FBXO3: variants seen among roughly 807,000 people sequenced by gnomAD.
FBXO3 encodes the protein F-box protein 3.
A neutral mutation model predicts 64.8 loss-of-function variants in FBXO3; 17 were observed. The observed-to-expected ratio is 0.26, with a 90% CI of 0.18 to 0.39. The LOEUF is 0.39. FBXO3 is among the 10% of genes least tolerant of loss of function. The pLI is 1.00. For synonymous variants in FBXO3, 182 were observed against 201.6 expected (o/e 0.90, Z 0.82); for missense variants, 420 against 589.9 (o/e 0.71, Z 2.98).
chr11:33,757,183 T>C (rs12224154), intron 4 of FBXO3: 144,043 of 447,744 alleles, frequency 0.32, 25,527 homozygotes, highest in Admixed American at 0.49. Flanking sequence ...CAGTGCAAAG[T>C]TCTCCTTAAA....
chr11:33,760,125 C>A (rs576777252), intron 3 of FBXO3, among the ~76,000 whole-genome samples: 1 of 152,282 alleles, frequency 6.6e-6, no homozygotes, highest in Non-Finnish European at 1.5e-5. Context: ...TTGGAGATAA[C>A]AGCAGAGAAT....
chr11:33,745,150 C>A (rs574884572), intron 10 of FBXO3: 1 of 152,056 alleles, frequency 6.6e-6, no homozygotes. Context: ...ATTAAAAATA[C>A]ATAATAATCC....
At chr11:33,745,733 G>A (rs998475376) in intron 10 of FBXO3, 1 of 152,010 alleles carries the variant, frequency 6.6e-6, no homozygotes, top group South Asian at 2.1e-4. Context: ...CCTTAAAAAA[G>A]CTAGAAGAAA....
chr11:33,757,277 ATATATGCCT>A (rs1285512276), intron 4 of FBXO3, among the ~76,000 whole-genome samples: 1 of 151,956 alleles, frequency 6.6e-6, no homozygotes, highest in Non-Finnish European at 1.5e-5. Flanking sequence ...CATTCAAAGC[ATATATGCCT>A]TCTAAAACTG....
At chr11:33,751,690 T>C (rs765065993) in intron 6 of FBXO3, 83 bp from the exon 7 acceptor site, 7 of 708,532 alleles carry the variant, frequency 9.9e-6, no homozygotes, top group South Asian at 5.5e-5. Flanking sequence ...AATTCCTCTA[T>C]GCTTTAGAAT....
chr11:33,750,063 T>C lies in FBXO3; in HGVS notation c.932+476A>G, dbSNP rs192094762. Reference sequence around the variant, plus strand: ...ATCTTTGTGTCATAGCACAGAATACTTCTAACTAACGTAAATTTAAAATAT... The same window carrying C: ...ATCTTTGTGTCATAGCACAGAATACCTCTAACTAACGTAAATTTAAAATAT... On this transcript the variant is annotated intron_variant, in intron 8 of 10. Coordinates refer to ENST00000265651, the MANE Select transcript of FBXO3 (RefSeq NM_012175.4). Among the ~76,000 whole-genome samples, 732 of 152,250 alleles carry C rather than the reference T, an allele frequency of 4.8e-3. 2 individuals are homozygous for C. The highest frequency in any genetic ancestry group is 8.4e-3 in the Non-Finnish European group (574 of 68,004).
At chr11:33,742,725 G>C (rs1854716328) in intron 10 of FBXO3, 1 of 152,066 alleles carries the variant, frequency 6.6e-6, no homozygotes, top group South Asian at 2.1e-4. Flanking sequence ...TTTTTATTGA[G>C]CTCCTACCAT....
chr11:33,767,888 G>A (rs781781083), intron 3 of FBXO3, among the ~76,000 whole-genome samples: 40 of 152,130 alleles, frequency 2.6e-4, no homozygotes, highest in Non-Finnish European at 3.8e-4. Flanking sequence ...TTAATCAAGG[G>A]TACTTTCCTT....
chr11:33,756,973 C>T (rs1438205625), intron 4 of FBXO3: 1 of 517,972 alleles, frequency 1.9e-6, no homozygotes, highest in Non-Finnish European at 3.9e-6. Flanking sequence ...CTTCAGGAGT[C>T]CTCCTGCGTT....
chr11:33,746,850 A>C, intron 10 of FBXO3: 1 of 1,415,086 alleles, frequency 7.1e-7, no homozygotes, highest in South Asian at 1.6e-5. Flanking sequence ...AGCTGATTCT[A>C]CTGGTCTAAT....
At chr11:33,764,859 A>G (rs1314447190) in intron 3 of FBXO3, among the ~76,000 whole-genome samples, 1 of 152,166 alleles carries the variant, frequency 6.6e-6, no homozygotes, top group Non-Finnish European at 1.5e-5. Context: ...CTGTAGTCCC[A>G]GCTACTTGGG....
At chr11:33,763,175 T>C (rs1246582743) in intron 3 of FBXO3, 1 of 366,826 alleles carries the variant, frequency 2.7e-6, no homozygotes, top group African/African-American at 2.1e-5. Context: ...ATTCTACTAA[T>C]CATTTAAGCA....
chr11:33,741,230 GAAT>G lies in FBXO3; in HGVS notation c.*675_*677del, dbSNP rs1466511479. On this transcript the variant is annotated 3_prime_UTR_variant, in exon 11 of 11. Transcript: ENST00000265651. ...TACTACATTTCAAAAATGCATCTGT[GAAT>G]AATATGATAAAGCGCATAGTGTTGA... 2 of 152,636 alleles carry G rather than the reference GAAT, an allele frequency of 1.3e-5. No individual in the cohort carries two copies. The highest frequency in any genetic ancestry group is 1.3e-4 in the Admixed American group (2 of 15,284). 9.5% of individuals were successfully genotyped at this position (152,636 alleles called of 1,614,324 possible). A position where few individuals can be genotyped will look rare whatever the true frequency, so the allele number is the denominator to read the frequency against.
At chr11:33,767,289 G>GC (rs1855397588) in intron 3 of FBXO3, among the ~76,000 whole-genome samples, 1 of 149,178 alleles carries the variant, frequency 6.7e-6, no homozygotes, top group Non-Finnish European at 1.5e-5. Context: ...AAACAACTTA[G>GC]TTTTTTTTTT....
chr11:33,753,588 G>C (rs1855017584), intron 6 of FBXO3: 1 of 152,164 alleles, frequency 6.6e-6, no homozygotes, highest in Admixed American at 6.5e-5. Context: ...CTGAAACCTA[G>C]GACCTACATT....
In FBXO3 at chr11:33,748,801, CT is replaced by C; in HGVS notation, c.1023del (p.Glu342LysfsTer7). The C allele has an allele frequency of 6.2e-7, 1 of 1,613,588 alleles. No individual in the cohort carries two copies. On this transcript the variant is annotated frameshift_variant, in exon 9 of 11. Transcript: ENST00000265651. LOFTEE classifies it high-confidence loss of function. Reference sequence around the variant, plus strand: ...CCAACTACTCCAGGTCCTTGAACTTCTTCCACGTCACCCTTAGCATTTGTTA... The same window carrying C: ...CCAACTACTCCAGGTCCTTGAACTTCTCCACGTCACCCTTAGCATTTGTTA... ...WRITNAKGDV[E>X]EVQGPGVVGE... is the part of the protein sequence containing the mutation.
intron 4 of FBXO3, 115 bp downstream of exon 4, chr11:33,758,372 G>T: frequency 1.6e-6 from 1 of 611,378 alleles, no homozygotes; most frequent in Non-Finnish European, 2.6e-6. Context: ...AGGAGAAAGA[G>T]GGAATTCCCA....
intron 6 of FBXO3, among the ~76,000 whole-genome samples, chr11:33,752,881 C>A (rs1425302161): frequency 6.6e-6 from 1 of 152,226 alleles, no homozygotes; most frequent in Non-Finnish European, 1.5e-5. Context: ...AAAAAATTGG[C>A]ATGGTGTATT....
At chr11:33,752,793 G>A (rs1160095302) in intron 6 of FBXO3, among the ~76,000 whole-genome samples, 2 of 87,432 alleles carry the variant, frequency 2.3e-5, no homozygotes, top group East Asian at 4.6e-4. Context: ...TTCTCTGAAA[G>A]AGTTTTTAAA....
Sources: allele counts gnomAD v4.1 joint callset (sites outside exome capture counted in the v4.1 genomes callset), GRCh38; gene constraint gnomAD v4.1.1; transcripts MANE v1.5; gene names NCBI Gene and HGNC (gene_info 2026-07-23, HGNC 2026-07-21).